The following ARID3C variants were observed in gnomAD, a reference collection of about 807,000 sequenced individuals.
ARID3C encodes AT-rich interaction domain 3C.
In ARID3C, 42 loss-of-function variants were observed where a neutral mutation model predicts 37.9. That is an observed-to-expected ratio of 1.11 (90% confidence interval 0.87 to 1.43). The LOEUF is 1.43. Among genes scored for constraint, ARID3C ranks in the 40% most tolerant of loss-of-function variants. The pLI is 0.00. For missense variants in ARID3C, 581 were observed against 548.8 expected (o/e 1.06, Z -0.59); for synonymous variants, 213 against 228.0 (o/e 0.93, Z 0.59).
In ARID3C at chr9:34,627,694, T is replaced by C. The variant is rs1180124900; in HGVS notation, c.318+3A>G. 1.2e-6 allele frequency: 2 copies of C among 1,607,216 alleles called. No individual in the cohort carries two copies. On this transcript the variant is annotated splice_donor_region_variant and intron_variant, in intron 1 of 6. Transcript: ENST00000378909. ...GGCCGGACATTGAGGGCATAGGTCC[T>C]ACCTGCTTGAATTGTTCCTCGTAGG...
chr9:34,625,158 G>A lies in ARID3C; in HGVS notation c.391+584C>T, dbSNP rs142369632. On this transcript the variant is annotated intron_variant, in intron 2 of 6. Transcript: ENST00000378909. ...AATTAGCTTTGCAGAGAGAGATAAT[G>A]AGTCAGTGTTCGGTCCCATGAATCT... Among the ~76,000 whole-genome samples the A allele has an allele frequency of 8.7e-3, 1,327 of 152,238 alleles. 11 individuals carry two copies. The highest frequency in any genetic ancestry group is 0.024 in the Middle Eastern group (7 of 294).
chr9:34,627,412 G>A (rs1434562139), intron 1 of ARID3C, among the ~76,000 whole-genome samples: 1 of 152,184 alleles, frequency 6.6e-6, no homozygotes, highest in African/African-American at 2.4e-5. Flanking sequence ...GGAAGCTGAG[G>A]TGGGAGGATT....
Position 34,628,060 on chromosome 9 carries a change from C to T in ARID3C, c.-46G>A, listed in dbSNP as rs751614460. Reference sequence around the variant, plus strand: ...CCCCAGCTGAGGGGGTCCCTGGTACCAGGCGGGACCCCGAGGAAAGGGCCG... The same window carrying T: ...CCCCAGCTGAGGGGGTCCCTGGTACTAGGCGGGACCCCGAGGAAAGGGCCG... On this transcript the variant is annotated 5_prime_UTR_variant, in exon 1 of 7. Coordinates refer to ENST00000378909, the Ensembl canonical transcript of ARID3C. The surrounding 1 kb of genome is among the most constrained non-coding windows in gnomAD (Gnocchi z 5.2). The T allele has an allele frequency of 6.2e-6, 9 of 1,445,600 alleles. No homozygotes were observed. The highest frequency in any genetic ancestry group is 7.3e-6 in the Non-Finnish European group (8 of 1,101,248). The allele number at this position is 1,445,600 out of a possible 1,614,324, so 89.5% of individuals were successfully genotyped here.
chr9:34,623,689 CGTACGG>C (rs751374358), exon 4 of ARID3C: 170 of 1,568,358 alleles, frequency 1.1e-4, no homozygotes, highest in Admixed American at 2.6e-4. Context: ...GTCTCGCACT[CGTACGG>C]GTACAGGTAC....
chr9:34,627,251 T>A lies in ARID3C; in HGVS notation c.318+446A>T, dbSNP rs113719274. Among the ~76,000 whole-genome samples the A allele has an allele frequency of 4.9e-3, 749 of 152,266 alleles. 7 individuals are homozygous for A. Among genetic ancestry groups the A allele is most frequent in the African/African-American group, 0.017 (721 of 41,540 alleles). On this transcript the variant is annotated intron_variant, in intron 1 of 6. Transcript: ENST00000378909. ...TCCAAAGACAGAGGAAGCAACTGGG[T>A]CACCCCCACTGGTCACTGGAATATG...
At chr9:34,629,814 G>A (rs10972177), upstream of ARID3C, among the ~76,000 whole-genome samples, 27,303 of 151,338 alleles carry the variant, frequency 0.18, 2,498 homozygotes, top group East Asian at 0.31. Flanking sequence ...GTGCAGTGGC[G>A]CGATCTGGGC....
chr9:34,623,676 C>T (rs1252466141), exon 4 of ARID3C: 1 of 1,578,836 alleles, frequency 6.3e-7, no homozygotes, highest in Non-Finnish European at 8.6e-7. Context: ...GCTGAGCGCT[C>T]GAGTCTCGCA....
At chr9:34,622,367 C>A in exon 5 of ARID3C, 1 of 1,610,348 alleles carries the variant, frequency 6.2e-7, no homozygotes, top group Non-Finnish European at 8.5e-7. Context: ...AACCTTGCCA[C>A]GGGGCAGGAA....
At chr9:34,627,440 C>T (rs1436679758) in intron 1 of ARID3C, among the ~76,000 whole-genome samples, 3 of 152,130 alleles carry the variant, frequency 2.0e-5, no homozygotes, top group Non-Finnish European at 4.4e-5. Context: ...GTCAAGAGTT[C>T]GAGACCGGCC....
chr9:34,627,969 C>A, exon 1 of ARID3C: 4 of 1,529,500 alleles, frequency 2.6e-6, no homozygotes, highest in Non-Finnish European at 3.5e-6. Context: ...AATGGCCCCA[C>A]CCCCTGGGCC....
chr9:34,624,169 C>T, intron 2 of ARID3C, 122 bp from the exon 4 acceptor site: 1 of 1,263,806 alleles, frequency 7.9e-7, no homozygotes, highest in Non-Finnish European at 1.1e-6. Context: ...TGGGCGGAGC[C>T]CACAGAACCC....
At chr9:34,631,715 T>C (rs1820724655), upstream of ARID3C, among the ~76,000 whole-genome samples, 1 of 152,202 alleles carries the variant, frequency 6.6e-6, no homozygotes, top group Admixed American at 6.5e-5. Context: ...CCCCATAATT[T>C]AGCAGCTTAA....
intron 2 of ARID3C, 97 bp downstream of exon 3, chr9:34,625,645 G>T: frequency 7.3e-7 from 1 of 1,367,088 alleles, no homozygotes; most frequent in Non-Finnish European, 1.0e-6. Context: ...GACAGGTGCT[G>T]CCAAGCTCAG....
At chr9:34,629,956 T>G (rs1036792512), upstream of ARID3C, among the ~76,000 whole-genome samples, 18 of 149,930 alleles carry the variant, frequency 1.2e-4, no homozygotes, top group African/African-American at 4.4e-4. Flanking sequence ...AGAGATGGGG[T>G]TTCACCATTT....
At chr9:34,632,505 C>T (rs148477205), upstream of ARID3C, among the ~76,000 whole-genome samples, 1 of 152,036 alleles carries the variant, frequency 6.6e-6, no homozygotes, top group Non-Finnish European at 1.5e-5. Context: ...CTGGCTGCTG[C>T]GTGGAGAACC....
intron 4 of ARID3C, among the ~76,000 whole-genome samples, chr9:34,622,739 T>G (rs1820592923): frequency 6.6e-6 from 1 of 152,144 alleles, no homozygotes; most frequent in African/African-American, 2.4e-5. Flanking sequence ...TCTAGACAAT[T>G]TGGGGGATTG....
Position 34,622,335 on chromosome 9 carries a change from GC to G in ARID3C, c.1048+11del, listed in dbSNP as rs754384791. On this transcript the variant is annotated intron_variant, in intron 5 of 6. Transcript: ENST00000378909. ...CAGTCCCGAAGCCCCCTCACAACAA[GC>G]CCCTCCTCACCCCTCAGGGGAACCT... The G allele has an allele frequency of 6.3e-7, 1 of 1,596,782 alleles. No individual in the cohort carries two copies. The highest frequency in any genetic ancestry group is 8.5e-7 in the Non-Finnish European group (1 of 1,171,480).
Position 34,623,550 on chromosome 9 carries a change from TC to T in ARID3C, c.739del (p.Asp247ThrfsTer35). 1 of 1,598,376 alleles carries T rather than the reference TC, an allele frequency of 6.3e-7. No homozygotes were observed. Among genetic ancestry groups the T allele is most frequent in the Non-Finnish European group, 8.5e-7 (1 of 1,172,662 alleles). ...GGCGGGGCCGGGACCCAAGGCTGGG[TC>T]CTGAGCGCCCCGAGGGGGCGGCCCT... On this transcript the variant is annotated frameshift_variant, in exon 4 of 7. Coordinates refer to ENST00000378909, the Ensembl canonical transcript of ARID3C. LOFTEE classifies it high-confidence loss of function.
chr9:34,622,208 C>T (rs1820578770), intron 5 of ARID3C, 99 bp from the exon 7 acceptor site: 1 of 1,574,266 alleles, frequency 6.4e-7, no homozygotes, highest in Admixed American at 1.7e-5. Context: ...GCCCCCATTC[C>T]ACTTCAGCCC....
Sources: gnomAD v4.1 joint callset for allele counts (sites outside exome capture counted in the v4.1 genomes callset) on GRCh38, gnomAD v4.1.1 for gene constraint, Gnocchi (gnomAD v3.1) non-coding constraint, MANE v1.5 for transcripts, NCBI Gene and HGNC (gene_info 2026-07-23, HGNC 2026-07-21) for gene names.